Variants in TAS2R1 observed in about 807,000 individuals in gnomAD.
The protein encoded by TAS2R1 is taste 2 receptor member 1, also known as taste receptor type 2 member 1.
For synonymous variants in TAS2R1, 141 were observed against 134.2 expected, an observed-to-expected ratio of 1.05 and a Z score of -0.35; for missense variants, 370 against 353.4, an observed-to-expected ratio of 1.05 and a Z score of -0.38.
At chr5:9,751,255 A>G in the TAS2R1 span, among the ~76,000 whole-genome samples, 1 of 152,022 alleles carries the variant, frequency 6.6e-6, no homozygotes, top group Non-Finnish European at 1.5e-5. Flanking sequence ...TAAGACCTAC[A>G]GAAATATCCT....
At chr5:9,747,024 G>C in the TAS2R1 span, among the ~76,000 whole-genome samples, 1 of 152,138 alleles carries the variant, frequency 6.6e-6, no homozygotes, top group Non-Finnish European at 1.5e-5. Context: ...TCAAGGAACA[G>C]GACAGAAGAC....
the TAS2R1 span, among the ~76,000 whole-genome samples, chr5:9,826,173 T>C: frequency 1.3e-5 from 2 of 152,196 alleles, no homozygotes; most frequent in African/African-American, 4.8e-5. Flanking sequence ...TGTCCTTCAC[T>C]TTATCCTATA....
intron 1 of TAS2R1, among the ~76,000 whole-genome samples, chr5:9,699,637 T>G (rs1741435816): frequency 6.6e-6 from 1 of 152,082 alleles, no homozygotes; most frequent in Non-Finnish European, 1.5e-5. Context: ...AAGGACCAAG[T>G]GCTGCTTTTA....
chr5:9,851,753 C>G, the TAS2R1 span, among the ~76,000 whole-genome samples: 1 of 152,152 alleles, frequency 6.6e-6, no homozygotes, highest in Non-Finnish European at 1.5e-5. Flanking sequence ...GGAAGGTGCT[C>G]AGTCTCAGAA....
chr5:9,879,873 C>G, the TAS2R1 span, among the ~76,000 whole-genome samples: 1 of 152,156 alleles, frequency 6.6e-6, no homozygotes, highest in South Asian at 2.1e-4. Context: ...TGCTAAATGA[C>G]TAGAGGCTGG....
chr5:9,828,226 A>G, the TAS2R1 span, among the ~76,000 whole-genome samples: 2 of 152,094 alleles, frequency 1.3e-5, no homozygotes, highest in Non-Finnish European at 2.9e-5. Context: ...CCTGGGTTCA[A>G]GCAATTCTCC....
chr5:9,857,708 G>A, the TAS2R1 span, among the ~76,000 whole-genome samples: 2 of 152,112 alleles, frequency 1.3e-5, no homozygotes, highest in Non-Finnish European at 2.9e-5. Context: ...GTTATGTCTC[G>A]TTATTGGTTT....
intron 1 of TAS2R1, among the ~76,000 whole-genome samples, chr5:9,700,957 A>T (rs1741467025): frequency 6.6e-6 from 1 of 152,174 alleles, no homozygotes; most frequent in South Asian, 2.1e-4. Context: ...ACTGCAACAT[A>T]TCAATTGTGT....
chr5:9,736,156 G>T, the TAS2R1 span, among the ~76,000 whole-genome samples: 1 of 152,198 alleles, frequency 6.6e-6, no homozygotes, highest in East Asian at 1.9e-4. Context: ...TTTTACACAG[G>T]TTTTACTGAA....
chr5:9,643,976 T>A (rs148822027), intron 2 of TAS2R1, among the ~76,000 whole-genome samples: 263 of 152,086 alleles, frequency 1.7e-3, no homozygotes, highest in African/African-American at 6.2e-3. Context: ...TCACTCCCCA[T>A]CCCATCAATA....
the TAS2R1 span, among the ~76,000 whole-genome samples, chr5:9,831,815 C>A: frequency 6.1e-3 from 928 of 152,050 alleles, 4 homozygotes; most frequent in African/African-American, 0.019. Flanking sequence ...ATTATATTTG[C>A]GATTTTTATC....
At chr5:9,899,865 A>C in the TAS2R1 span, among the ~76,000 whole-genome samples, 7 of 152,156 alleles carry the variant, frequency 4.6e-5, no homozygotes, top group Non-Finnish European at 8.8e-5. Flanking sequence ...GTTGGTGATT[A>C]CATCATTAGA....
chr5:9,686,341 T>C (rs1741123950), intron 1 of TAS2R1, among the ~76,000 whole-genome samples: 1 of 150,778 alleles, frequency 6.6e-6, no homozygotes, highest in Non-Finnish European at 1.5e-5. Context: ...AAAATTATTA[T>C]CACTGAGGAA....
chr5:9,729,659 G>A, the TAS2R1 span, among the ~76,000 whole-genome samples: 1 of 152,078 alleles, frequency 6.6e-6, no homozygotes. Flanking sequence ...GTTTAAAGCA[G>A]GCACGCGTAA....
intron 2 of TAS2R1, among the ~76,000 whole-genome samples, chr5:9,646,795 T>C (rs1561368350): frequency 6.6e-6 from 1 of 152,156 alleles, no homozygotes; most frequent in African/African-American, 2.4e-5. Context: ...TTAGTTCATG[T>C]GTTTTGGGGA....
the TAS2R1 span, among the ~76,000 whole-genome samples, chr5:9,731,426 A>C: frequency 2.0e-5 from 3 of 151,254 alleles, no homozygotes; most frequent in Non-Finnish European, 4.4e-5. Context: ...TGACATCCTG[A>C]TATGGCCCAT....
the TAS2R1 span, among the ~76,000 whole-genome samples, chr5:9,766,556 A>G: frequency 0.3 from 45,918 of 152,158 alleles, 7,204 homozygotes; most frequent in East Asian, 0.45. Context: ...GGGTTGGATG[A>G]GTCTCATAAC....
intron 2 of TAS2R1, among the ~76,000 whole-genome samples, chr5:9,652,699 T>C (rs1229933274): frequency 1.3e-5 from 2 of 152,190 alleles, no homozygotes; most frequent in African/African-American, 4.8e-5. Context: ...AAATGAACTT[T>C]AATGGTTTTT....
intron 2 of TAS2R1, among the ~76,000 whole-genome samples, chr5:9,639,116 C>G (rs1010376216): frequency 2.0e-5 from 3 of 152,272 alleles, no homozygotes; most frequent in Non-Finnish European, 4.4e-5. Context: ...CACTCACACC[C>G]CAGACTCTGC....
Sources: allele counts gnomAD v4.1 joint callset (sites outside exome capture counted in the v4.1 genomes callset), GRCh38; gene constraint gnomAD v4.1.1; transcripts MANE v1.5; gene names NCBI Gene and HGNC (gene_info 2026-07-23, HGNC 2026-07-21).